The following R3HDM2 variants were observed in gnomAD, a reference collection of about 807,000 sequenced individuals.
R3HDM2 encodes the protein R3H domain-containing protein 2.
R3HDM2 carries 38 observed loss-of-function variants against 124.5 expected under a neutral mutation model. That is an observed-to-expected ratio of 0.31 (90% CI 0.24 to 0.40). R3HDM2 has a LOEUF of 0.40. Ranked by LOEUF, R3HDM2 falls within the 10% of genes least tolerant of loss-of-function variation. R3HDM2 has a pLI of 1.00. For missense variants in R3HDM2, 869 were observed against 1,236.9 expected (o/e 0.70, Z 4.46); for synonymous variants, 391 against 448.0 (o/e 0.87, Z 1.61).
intron 19 of R3HDM2, among the ~76,000 whole-genome samples, chr12:57,260,589 G>A (rs557782551): frequency 3.3e-4 from 51 of 152,240 alleles, no homozygotes; most frequent in African/African-American, 1.1e-3. Context: ...CTGCTTCCCC[G>A]CAAGGGATTG....
rs575225721 is a variant in R3HDM2, at chr12:57,356,652, T to A, written c.-36+39097A>T. Among the ~76,000 whole-genome samples, 4 of 152,350 alleles carry A rather than the reference T, an allele frequency of 2.6e-5. No individual in the cohort carries two copies. The South Asian group carries it at 8.3e-4, about 32-fold the overall frequency. ...TTCAAAAGTTTATGTAGAAATGGTA[T>A]GTCTTAAATTCTTGATAAGACTTCA... On this transcript the variant is annotated intron_variant, in intron 2 of 23. Coordinates refer to ENST00000402412, the MANE Select transcript of R3HDM2 (RefSeq NM_001394031.1).
rs1161831845 is a variant in R3HDM2, at chr12:57,349,379, C to CAAAAAAAAAA, written c.-35-38926_-35-38917dup. 5.5e-4 allele frequency among the ~76,000 whole-genome samples: 32 copies of CAAAAAAAAAA among 57,754 alleles called. 1 individual carries two copies. The highest frequency in any genetic ancestry group is 2.3e-3 in the African/African-American group (25 of 10,760). 37.9% of individuals were successfully genotyped at this position (57,754 alleles called of 152,430 possible). ...TGCCGACAGAGCGAGACTCCGTCTC[C>CAAAAAAAAAA]AAAAAAAAAAAAAAAAAAAAAAAAA... On this transcript the variant is annotated intron_variant, in intron 2 of 23. Transcript: ENST00000402412.
chr12:57,371,113 TAA>T, intron 2 of R3HDM2, among the ~76,000 whole-genome samples: 1 of 101,918 alleles, frequency 9.8e-6, no homozygotes, highest in Non-Finnish European at 2.0e-5. Context: ...TTTTTTTTTT[TAA>T]GATACACACA....
At chr12:57,300,944 T>G (rs1281660691) in intron 4 of R3HDM2, among the ~76,000 whole-genome samples, 1 of 151,092 alleles carries the variant, frequency 6.6e-6, no homozygotes, top group Non-Finnish European at 1.5e-5. Flanking sequence ...TGCAAAAAAA[T>G]TTTTTAAAAA....
chr12:57,362,535 T>C (rs1002755431), intron 2 of R3HDM2, among the ~76,000 whole-genome samples: 4 of 152,208 alleles, frequency 2.6e-5, no homozygotes, highest in African/African-American at 9.7e-5. Context: ...AGACGATTAA[T>C]AGTTAAGTTT....
At chr12:57,429,432 A>C (rs1254367417) in intron 1 of R3HDM2, among the ~76,000 whole-genome samples, 1 of 152,080 alleles carries the variant, frequency 6.6e-6, no homozygotes, top group Admixed American at 6.5e-5. Context: ...TTTCACCACT[A>C]TTTAAACTTT....
At chr12:57,310,175 A>C in intron 3 of R3HDM2, 89 bp downstream of exon 3, 1 of 940,552 alleles carries the variant, frequency 1.1e-6, no homozygotes, top group Non-Finnish European at 1.5e-6. Context: ...GTGCCACTGC[A>C]CTCCAGGTTG....
intron 2 of R3HDM2, among the ~76,000 whole-genome samples, chr12:57,327,128 G>A (rs1191533034): frequency 6.6e-6 from 1 of 152,126 alleles, no homozygotes; most frequent in Non-Finnish European, 1.5e-5. Flanking sequence ...TGCAGCCCAT[G>A]GATCAAGGAG....
intron 19 of R3HDM2, among the ~76,000 whole-genome samples, chr12:57,264,241 C>CAAAAAA (rs550732747): frequency 9.3e-6 from 1 of 107,734 alleles, no homozygotes; most frequent in Non-Finnish European, 1.9e-5. Context: ...GACTCTGTCT[C>CAAAAAA]AAAAAAAAAA....
At chr12:57,267,714 C>A (rs1241381578) in intron 18 of R3HDM2, among the ~76,000 whole-genome samples, 1 of 152,158 alleles carries the variant, frequency 6.6e-6, no homozygotes, top group Non-Finnish European at 1.5e-5. Context: ...TGGAGTTGCC[C>A]AGACTCCAGT....
At chr12:57,402,657 C>T (rs535059816) in intron 1 of R3HDM2, among the ~76,000 whole-genome samples, 1 of 152,144 alleles carries the variant, frequency 6.6e-6, no homozygotes, top group Non-Finnish European at 1.5e-5. Context: ...TAAATCTCAG[C>T]TACTCGGGAG....
At chr12:57,302,079 G>A (rs954264315) in intron 4 of R3HDM2, among the ~76,000 whole-genome samples, 2 of 152,020 alleles carry the variant, frequency 1.3e-5, no homozygotes, top group Admixed American at 6.6e-5. Flanking sequence ...CCAGGAGTTC[G>A]AGAACAGCCT....
At chr12:57,407,799 C>G (rs1454180935) in intron 1 of R3HDM2, among the ~76,000 whole-genome samples, 1 of 152,150 alleles carries the variant, frequency 6.6e-6, no homozygotes, top group Non-Finnish European at 1.5e-5. Flanking sequence ...GGGTCTCGCT[C>G]TGTTACCCAG....
chr12:57,264,206 C>T (rs1466179725), intron 19 of R3HDM2, among the ~76,000 whole-genome samples: 1 of 147,956 alleles, frequency 6.8e-6, no homozygotes, highest in Admixed American at 6.8e-5. Flanking sequence ...CACGCCACTG[C>T]ACTCCAGCCT....
At chr12:57,335,174 T>C (rs1448202027) in intron 2 of R3HDM2, among the ~76,000 whole-genome samples, 5 of 151,580 alleles carry the variant, frequency 3.3e-5, no homozygotes, top group African/African-American at 9.7e-5. Context: ...TTTTCATATA[T>C]ATAATTTAGT....
intron 1 of R3HDM2, among the ~76,000 whole-genome samples, chr12:57,422,015 C>T (rs1471340842): frequency 2.0e-5 from 3 of 151,332 alleles, no homozygotes; most frequent in Non-Finnish European, 2.9e-5. Context: ...ATCGCTTGAA[C>T]CCGGGAGGCA....
rs1430727707 is a variant in R3HDM2 at position 57,384,496 on chromosome 12, G to A, written c.-36+11253C>T. Among the ~76,000 whole-genome samples the A allele has an allele frequency of 2.0e-5, 3 of 152,110 alleles. No homozygotes were observed. The East Asian group carries it at 5.8e-4, about 29-fold the overall frequency. On this transcript the variant is annotated intron_variant, in intron 2 of 23. Transcript: ENST00000402412. Reference sequence around the variant, plus strand: ...ATAAGAGTACTTCTTTTGGAAGGCTGTATAAAAAAAATAACATATGTAAAG... The same window carrying A: ...ATAAGAGTACTTCTTTTGGAAGGCTATATAAAAAAAATAACATATGTAAAG...
intron 2 of R3HDM2, among the ~76,000 whole-genome samples, chr12:57,342,328 G>C (rs1348889342): frequency 6.6e-6 from 1 of 151,384 alleles, no homozygotes; most frequent in East Asian, 1.9e-4. Flanking sequence ...CTTCACCCTT[G>C]AATGAAATGA....
rs538161181 is a variant in R3HDM2 at position 57,315,729 on chromosome 12, A to G, written c.-35-5266T>C. On this transcript the variant is annotated intron_variant, in intron 2 of 23. Transcript: ENST00000402412. ...TCAACCTCAAGTTTTACGGAGACAC[A>G]TGGCTTCCTTCATTCATTGGAGAAA... is the stretch of plus-strand genomic sequence containing the variant. Among the ~76,000 whole-genome samples the G allele has an allele frequency of 2.6e-5, 4 of 152,340 alleles. No individual in the cohort carries two copies. The East Asian group carries it at 7.7e-4, about 29-fold the overall frequency.
Sources: gnomAD v4.1 joint callset for allele counts (sites outside exome capture counted in the v4.1 genomes callset) on GRCh38, gnomAD v4.1.1 for gene constraint, MANE v1.5 for transcripts, NCBI Gene and HGNC (gene_info 2026-07-23, HGNC 2026-07-21) for gene names.